IGF2BP3: variants seen among roughly 807,000 people sequenced by gnomAD.
IGF2BP3 encodes insulin like growth factor 2 mRNA binding protein 3.
Under a neutral mutation model 73.8 loss-of-function variants are expected in IGF2BP3, and 9 were observed. The ratio of observed to expected loss-of-function variants is 0.12; its 90% confidence interval spans 0.07 to 0.21. The LOEUF is 0.21. IGF2BP3 is among the 10% of genes least tolerant of loss of function. The pLI is 1.00. For synonymous variants in IGF2BP3, 258 were observed against 256.7 expected, an observed-to-expected ratio of 1.01 and a Z score of -0.05; for missense variants, 542 against 714.0, an observed-to-expected ratio of 0.76 and a Z score of 2.75.
At chr7:23,443,350 C>CCCGACCTCAGGTGATTCA (rs1787981797) in intron 2 of IGF2BP3, among the ~76,000 whole-genome samples, 1 of 152,046 alleles carries the variant, frequency 6.6e-6, no homozygotes, top group African/African-American at 2.4e-5. Context: ...GTCTCGAACT[C>CCCGACCTCAGGTGATTCA]CCGACCTCAG....
chr7:23,336,199 A>T (rs1215221490), intron 10 of IGF2BP3, among the ~76,000 whole-genome samples: 2 of 152,092 alleles, frequency 1.3e-5, no homozygotes, highest in South Asian at 2.1e-4. Context: ...AAAAAAAAAA[A>T]TTATTTGAAA....
At chr7:23,415,264 C>A (rs564871633) in intron 3 of IGF2BP3, 2 of 245,616 alleles carry the variant, frequency 8.1e-6, no homozygotes, top group Non-Finnish European at 1.6e-5. Flanking sequence ...GTCGGCATCA[C>A]CGCATCACCA....
At chr7:23,325,078 C>T (rs377461393) in intron 10 of IGF2BP3, among the ~76,000 whole-genome samples, 22,142 of 150,734 alleles carry the variant, frequency 0.15, 4,212 homozygotes, top group African/African-American at 0.45. Flanking sequence ...CCAGGGCAAT[C>T]AGGCAGGAGA....
chr7:23,468,109 G>C (rs1191730642), intron 2 of IGF2BP3, among the ~76,000 whole-genome samples: 2 of 152,198 alleles, frequency 1.3e-5, no homozygotes, highest in Admixed American at 6.5e-5. Context: ...CGCCTCTCCT[G>C]CTCCTGGAGG....
intron 3 of IGF2BP3, chr7:23,416,062 T>A (rs111741353): frequency 6.6e-6 from 1 of 152,148 alleles, no homozygotes; most frequent in African/African-American, 2.4e-5. Flanking sequence ...AGCAACCCAA[T>A]GAGGGGGCCA....
rs141210139 is a variant in IGF2BP3 at position 23,392,738 on chromosome 7, T to C, written c.285+26038A>G. ...TCGACTTCCCAGGCTCAAGGGATAC[T>C]CCCACCTCAGCCTCCCAAGTAGCTG... On this transcript the variant is annotated intron_variant, in intron 3 of 14. Transcript: ENST00000258729. 7.5e-3 allele frequency among the ~76,000 whole-genome samples: 1,148 copies of C among 152,122 alleles called. 29 individuals are homozygous for C. Among genetic ancestry groups the C allele is most frequent in the Middle Eastern group, 0.017 (5 of 294 alleles).
At chr7:23,342,312 G>T (rs1413857600) in intron 9 of IGF2BP3, 123 bp from the exon 10 acceptor site, 2 of 1,075,558 alleles carry the variant, frequency 1.9e-6, no homozygotes, top group Non-Finnish European at 2.8e-6. Flanking sequence ...ATAACTCAAA[G>T]CAGATGTTCC....
intron 10 of IGF2BP3, among the ~76,000 whole-genome samples, chr7:23,321,197 G>A (rs182003364): frequency 3.5e-4 from 53 of 152,308 alleles, no homozygotes; most frequent in East Asian, 1.2e-3. Flanking sequence ...GACAGTGGGC[G>A]CAGGTCAGTG....
In IGF2BP3 at chr7:23,311,570, T is replaced by A. The variant is rs530423341; in HGVS notation, c.*792A>T. 2.6e-5 allele frequency: 4 copies of A among 152,338 alleles called. No homozygotes were observed. The highest frequency in any genetic ancestry group is 2.9e-5 in the Non-Finnish European group (2 of 68,028). 9.4% of individuals were successfully genotyped at this position (152,338 alleles called of 1,614,324 possible). ...GGCACTGCTCCGTATTTTTGAACAT[T>A]TGATTTAACTAATAACTGTGTCAAA... On this transcript the variant is annotated 3_prime_UTR_variant, in exon 15 of 15. Coordinates refer to ENST00000258729, the MANE Select transcript of IGF2BP3 (RefSeq NM_006547.3).
At chr7:23,368,738 A>C (rs557464324) in intron 3 of IGF2BP3, among the ~76,000 whole-genome samples, 2 of 152,214 alleles carry the variant, frequency 1.3e-5, no homozygotes, top group South Asian at 4.2e-4. Context: ...CACCTACTAA[A>C]AATACAAAAT....
intron 2 of IGF2BP3, among the ~76,000 whole-genome samples, chr7:23,467,031 G>A (rs987687856): frequency 6.6e-6 from 1 of 151,960 alleles, no homozygotes. Flanking sequence ...TCTTTTTACG[G>A]GAATATGACT....
At chr7:23,334,353 C>A (rs565508252) in intron 10 of IGF2BP3, among the ~76,000 whole-genome samples, 4 of 152,086 alleles carry the variant, frequency 2.6e-5, no homozygotes, top group African/African-American at 4.8e-5. Context: ...GAAAAGAAAT[C>A]GAGACTAAAA....
At chr7:23,376,119 C>T (rs1785710223) in intron 3 of IGF2BP3, among the ~76,000 whole-genome samples, 1 of 152,132 alleles carries the variant, frequency 6.6e-6, no homozygotes, top group South Asian at 2.1e-4. Context: ...CACAGCAGCT[C>T]CACTTGCAAA....
chr7:23,316,589 C>G (rs550193175), intron 12 of IGF2BP3, among the ~76,000 whole-genome samples: 1 of 149,536 alleles, frequency 6.7e-6, no homozygotes, highest in African/African-American at 2.5e-5. Flanking sequence ...GCAGGAGAAT[C>G]GCTTGAACCC....
intron 13 of IGF2BP3, 61 bp downstream of exon 13, chr7:23,313,461 C>T: frequency 6.3e-7 from 1 of 1,582,764 alleles, no homozygotes; most frequent in South Asian, 1.1e-5. Flanking sequence ...CTTGGAACTC[C>T]TAAGTACCTT....
chr7:23,385,459 A>G (rs917372253), intron 3 of IGF2BP3, among the ~76,000 whole-genome samples: 4 of 152,318 alleles, frequency 2.6e-5, no homozygotes, highest in African/African-American at 9.6e-5. Flanking sequence ...GGACATTAGA[A>G]TTTTTAAAAT....
chr7:23,354,102 TC>T (rs964410073), intron 5 of IGF2BP3, among the ~76,000 whole-genome samples: 13 of 152,218 alleles, frequency 8.5e-5, no homozygotes, highest in African/African-American at 3.1e-4. Context: ...CAAGCAATTC[TC>T]CTGCCTCGGC....
At chr7:23,317,092 T>C (rs907460875) in intron 12 of IGF2BP3, among the ~76,000 whole-genome samples, 17 of 152,198 alleles carry the variant, frequency 1.1e-4, no homozygotes, top group Admixed American at 3.3e-4. Flanking sequence ...TCAGTAGACA[T>C]TGAAAGGCAC....
intron 8 of IGF2BP3, among the ~76,000 whole-genome samples, chr7:23,345,374 A>C (rs1246968150): frequency 6.6e-6 from 1 of 152,222 alleles, no homozygotes; most frequent in Non-Finnish European, 1.5e-5. Context: ...ATAACTTCTG[A>C]GGCTATGTCA....
Sources: allele counts gnomAD v4.1 joint callset (sites outside exome capture counted in the v4.1 genomes callset), GRCh38; gene constraint gnomAD v4.1.1; transcripts MANE v1.5; gene names NCBI Gene and HGNC (gene_info 2026-07-23, HGNC 2026-07-21).